GPHN: variants seen among roughly 807,000 people sequenced by gnomAD.
The protein encoded by GPHN is gephyrin.
A neutral mutation model predicts 95.5 loss-of-function variants in GPHN; 17 were observed. The ratio of observed to expected loss-of-function variants is 0.18; its 90% CI spans 0.12 to 0.27. The LOEUF (loss-of-function observed/expected upper bound fraction) is 0.27, where lower values mean the gene tolerates loss of function less well. Ranked by LOEUF, GPHN falls within the 10% of genes least tolerant of loss-of-function variation. The probability of loss-of-function intolerance (pLI) is 1.00; values close to 1 mark genes in which losing one functional copy is unlikely to be tolerated. For missense variants in GPHN, 660 were observed against 978.1 expected, an observed-to-expected ratio of 0.67 and a Z score of 4.34; for synonymous variants, 320 against 322.5, an observed-to-expected ratio of 0.99 and a Z score of 0.08.
chr14:67,645,850 G>C, the GPHN span: 1 of 1,599,784 alleles, frequency 6.3e-7, no homozygotes, highest in Non-Finnish European at 8.5e-7. Flanking sequence ...GCAGGGTTTT[G>C]CTGGAGTTGG....
the GPHN span, chr14:67,412,029 G>A: frequency 6.4e-7 from 1 of 1,558,764 alleles, no homozygotes; most frequent in Non-Finnish European, 8.7e-7. Context: ...CTCTTGACCA[G>A]GAAGCCCTCC....
At chr14:67,698,457 C>T in the GPHN span, among the ~76,000 whole-genome samples, 4 of 152,130 alleles carry the variant, frequency 2.6e-5, no homozygotes, top group African/African-American at 9.6e-5. Context: ...AGAGCAAAAA[C>T]CTATCTAAAA....
the GPHN span, among the ~76,000 whole-genome samples, chr14:67,352,517 G>C: frequency 1.3e-5 from 2 of 152,092 alleles, no homozygotes; most frequent in Non-Finnish European, 2.9e-5. Context: ...GGAATTGTGA[G>C]AGAAGCAAAC....
chr14:66,769,557 A>T (rs920126142), intron 2 of GPHN, among the ~76,000 whole-genome samples: 7 of 152,238 alleles, frequency 4.6e-5, no homozygotes, highest in Admixed American at 4.6e-4. Context: ...GCTCCTGCTT[A>T]TAAATTAGAA....
chr14:66,633,547 G>A (rs1442928736), intron 1 of GPHN, among the ~76,000 whole-genome samples: 1 of 152,136 alleles, frequency 6.6e-6, no homozygotes, highest in Non-Finnish European at 1.5e-5. Context: ...TTGCTGAATA[G>A]TATTCCAGTG....
the GPHN span, among the ~76,000 whole-genome samples, chr14:67,554,920 AATTTTTTTTT>A: frequency 5.8e-4 from 88 of 151,924 alleles, no homozygotes; most frequent in Non-Finnish European, 7.6e-4. Flanking sequence ...TACTTTTTTA[AATTTTTTTTT>A]GAGACAGGAC....
the GPHN span, among the ~76,000 whole-genome samples, chr14:67,492,604 G>A: frequency 6.6e-6 from 1 of 152,190 alleles, no homozygotes; most frequent in African/African-American, 2.4e-5. Context: ...TGCCTCACCA[G>A]GGAGGCAGAA....
At chr14:67,199,236 G>A in the GPHN span, 2 of 1,603,880 alleles carry the variant, frequency 1.2e-6, no homozygotes, top group East Asian at 2.2e-5. Context: ...CTATGACTTT[G>A]TGAATTCTTG....
chr14:66,795,047 C>T (rs958702063), intron 3 of GPHN, among the ~76,000 whole-genome samples: 15 of 151,966 alleles, frequency 9.9e-5, no homozygotes, highest in Admixed American at 2.0e-4. Context: ...TTGAGTCCAG[C>T]CTGGGCATCA....
chr14:66,834,699 T>G (rs569288994), intron 4 of GPHN, among the ~76,000 whole-genome samples: 10 of 152,042 alleles, frequency 6.6e-5, no homozygotes, highest in African/African-American at 2.4e-4. Flanking sequence ...TCATCAAGGG[T>G]ATTGGTCTAA....
the GPHN span, among the ~76,000 whole-genome samples, chr14:67,361,061 TGGC>T: frequency 6.6e-6 from 1 of 152,206 alleles, no homozygotes; most frequent in Non-Finnish European, 1.5e-5. Flanking sequence ...TGTCGTATTT[TGGC>T]GACAATGAGA....
intron 2 of GPHN, among the ~76,000 whole-genome samples, chr14:66,720,217 A>G (rs879878671): frequency 6.6e-6 from 1 of 152,162 alleles, no homozygotes; most frequent in Non-Finnish European, 1.5e-5. Context: ...TTGTCTAAAG[A>G]TTGTCTAAAA....
At chr14:67,449,264 C>T in the GPHN span, among the ~76,000 whole-genome samples, 4 of 152,226 alleles carry the variant, frequency 2.6e-5, no homozygotes, top group African/African-American at 4.8e-5. Context: ...GTGCTAACTG[C>T]AGCCGAGGCC....
the GPHN span, among the ~76,000 whole-genome samples, chr14:67,696,551 T>C: frequency 6.6e-6 from 1 of 152,228 alleles, no homozygotes. Context: ...GAGTGTTCAT[T>C]GATAATAGAA....
the GPHN span, chr14:67,572,291 C>A: frequency 6.4e-7 from 1 of 1,556,978 alleles, no homozygotes. Context: ...AGCCGGGAAA[C>A]GGGCGGGGGC....
At chr14:67,393,282 C>T in the GPHN span, 24 of 1,411,194 alleles carry the variant, frequency 1.7e-5, no homozygotes, top group South Asian at 6.9e-5. Flanking sequence ...ACCCTCATCA[C>T]GCGGGCAGGT....
chr14:66,866,151 A>G (rs1345235104), intron 4 of GPHN, among the ~76,000 whole-genome samples: 1 of 152,048 alleles, frequency 6.6e-6, no homozygotes, highest in Admixed American at 6.6e-5. Flanking sequence ...AACAATCCCA[A>G]TCCTAGGGTG....
At chr14:67,418,515 T>A in the GPHN span, among the ~76,000 whole-genome samples, 2 of 152,198 alleles carry the variant, frequency 1.3e-5, no homozygotes, top group Non-Finnish European at 2.9e-5. Context: ...CAGATGCATA[T>A]CTCAGCAGAA....
chr14:66,965,796 G>T (rs1382455881), intron 9 of GPHN, among the ~76,000 whole-genome samples: 1 of 152,050 alleles, frequency 6.6e-6, no homozygotes, highest in Admixed American at 6.6e-5. Context: ...GAATGTTGCT[G>T]CCTAATATTT....
Sources: allele counts gnomAD v4.1 joint callset (sites outside exome capture counted in the v4.1 genomes callset), GRCh38; gene constraint gnomAD v4.1.1; transcripts MANE v1.5; gene names NCBI Gene and HGNC (gene_info 2026-07-23, HGNC 2026-07-21).